SAFB2: variants seen among roughly 807,000 people sequenced by gnomAD.
The protein encoded by SAFB2 is scaffold attachment factor B2.
SAFB2 carries 32 observed loss-of-function variants against 100.6 expected under a neutral mutation model. The observed-to-expected ratio is 0.32, with a 90% CI of 0.24 to 0.43. The LOEUF (loss-of-function observed/expected upper bound fraction) is 0.43, where lower values mean the gene tolerates loss of function less well. Ranked by LOEUF, SAFB2 falls within the 20% of genes least tolerant of loss-of-function variation. The pLI, the probability that SAFB2 is intolerant of heterozygous loss-of-function variation, is 1.00. For missense variants in SAFB2, 1,185 were observed against 1,163.4 expected (o/e 1.02, Z -0.27); for synonymous variants, 500 against 439.4 (o/e 1.14, Z -1.72).
chr19:5,610,582 T>G, intron 8 of SAFB2, 57 bp downstream of exon 8: 1 of 1,286,982 alleles, frequency 7.8e-7, no homozygotes, highest in South Asian at 1.3e-5. Context: ...TCCAGGCCCC[T>G]CCTCCCAAAA....
intron 1 of SAFB2, among the ~76,000 whole-genome samples, 189 bp from the exon 2 acceptor site, chr19:5,621,585 C>T (rs1045786146): frequency 6.6e-6 from 1 of 152,204 alleles, no homozygotes; most frequent in African/African-American, 2.4e-5. Flanking sequence ...CTCTCTGGGT[C>T]CAAATGACAA....
chr19:5,601,061 G>A (rs1374530683), intron 11 of SAFB2, among the ~76,000 whole-genome samples: 2 of 152,108 alleles, frequency 1.3e-5, no homozygotes, highest in Non-Finnish European at 2.9e-5. Context: ...CAGGGTTCCC[G>A]GCAGAGCTCC....
chr19:5,614,743 C>G (rs1307761766), intron 4 of SAFB2, among the ~76,000 whole-genome samples: 2 of 152,210 alleles, frequency 1.3e-5, no homozygotes, highest in Non-Finnish European at 2.9e-5. Context: ...AACAGCCTCA[C>G]CAGAGAGCTC....
At chr19:5,619,704 G>C (rs2053102197) in intron 2 of SAFB2, among the ~76,000 whole-genome samples, 2 of 152,116 alleles carry the variant, frequency 1.3e-5, no homozygotes, top group Admixed American at 6.5e-5. Flanking sequence ...AAGTAGCTGG[G>C]CGTGGCGACG....
Position 5,587,122 on chromosome 19 carries a change from G to A in SAFB2, c.*121C>T. On this transcript the variant is annotated 3_prime_UTR_variant, in exon 21 of 21. Transcript: ENST00000252542. This position sits in a 1 kb window ranked among gnomAD's most constrained non-coding sequence, Gnocchi z 4.9. ...AAAAAAAGTGAGTTCACATTGTATTGAGCTACAACATGGTGGCAGGATTTA... is the reference window on the plus strand; with the variant it reads ...AAAAAAAGTGAGTTCACATTGTATTAAGCTACAACATGGTGGCAGGATTTA... 1 of 1,254,788 alleles carries A rather than the reference G, an allele frequency of 8.0e-7. No homozygotes were observed. The highest frequency in any genetic ancestry group is 1.1e-6 in the Non-Finnish European group (1 of 895,432). The allele number at this position is 1,254,788 out of a possible 1,614,324, so 77.7% of individuals were successfully genotyped here. A position where few individuals can be genotyped will look rare whatever the true frequency, so the allele number is the denominator to read the frequency against.
intron 16 of SAFB2, among the ~76,000 whole-genome samples, 197 bp from the exon 17 acceptor site, chr19:5,591,990 G>A (rs1488249274): frequency 6.6e-6 from 1 of 152,194 alleles, no homozygotes; most frequent in African/African-American, 2.4e-5. Context: ...ATCCTAAAGA[G>A]GTAGGAATAA....
At chr19:5,616,643 C>CTTTTTTTTTTTTTT (rs60033130) in intron 2 of SAFB2, among the ~76,000 whole-genome samples, 157 bp from the exon 3 acceptor site, 1 of 72,798 alleles carries the variant, frequency 1.4e-5, no homozygotes, top group African/African-American at 5.8e-5. Flanking sequence ...AATTTGTTTT[C>CTTTTTTTTTTTTTT]TTTTTTTTTT....
rs370656591 is a variant in SAFB2, at chr19:5,593,979, G to A, written c.2119C>T (p.Arg707Cys). The A allele has an allele frequency of 7.1e-6, 11 of 1,554,402 alleles. No homozygotes were observed. The highest frequency in any genetic ancestry group is 2.3e-5 in the South Asian group (2 of 85,390). ...TGGCGCCGCAGCTCCTCGCGCTCGC[G>A]GTGGATGCGCTCCTGCTCCTTCCTG... The part of the protein sequence containing the change: ...ERRKEQERIH[R>C]EREELRRQQE... Residue 707 changes from arginine (R) to cysteine (C), a missense_variant, in exon 15 of 21, where the codon CGC becomes TGC. Arg to Cys is a radical substitution (Grantham distance 180). Transcript: ENST00000252542.
chr19:5,609,027 G>C (rs1418417366), intron 9 of SAFB2, among the ~76,000 whole-genome samples: 1 of 135,850 alleles, frequency 7.4e-6, no homozygotes, highest in Non-Finnish European at 1.5e-5. Flanking sequence ...ACTTCAGCCT[G>C]GGCAACAGAG....
intron 12 of SAFB2, 49 bp from the exon 13 acceptor site, chr19:5,598,933 T>A: frequency 4.5e-6 from 7 of 1,567,626 alleles, no homozygotes; most frequent in Non-Finnish European, 6.1e-6. Context: ...ACGCCCCAAC[T>A]TCCCGCAGTA....
At chr19:5,601,934 C>T (rs1237137475) in intron 11 of SAFB2, among the ~76,000 whole-genome samples, 1 of 152,098 alleles carries the variant, frequency 6.6e-6, no homozygotes, top group African/African-American at 2.4e-5. Flanking sequence ...TTACCCCTGA[C>T]ATTTACATGT....
Position 5,602,999 on chromosome 19 carries a change from G to C in SAFB2, c.1559+1584C>G, listed in dbSNP as rs561282593. On this transcript the variant is annotated intron_variant, in intron 11 of 20. Coordinates refer to ENST00000252542, the MANE Select transcript of SAFB2 (RefSeq NM_014649.3). ...TGATTTCAATCTGGGGCCAGGTGCAGTGGCTCACACCTATAATCCCAGTCT... is the reference window on the plus strand; with the variant it reads ...TGATTTCAATCTGGGGCCAGGTGCACTGGCTCACACCTATAATCCCAGTCT... Among the ~76,000 whole-genome samples, 347 of 150,674 alleles carry C rather than the reference G, an allele frequency of 2.3e-3. 3 individuals carry two copies. Among genetic ancestry groups the C allele is most frequent in the Non-Finnish European group, 3.5e-3 (235 of 67,832 alleles).
intron 9 of SAFB2, among the ~76,000 whole-genome samples, chr19:5,606,006 C>T (rs553776915): frequency 2.3e-4 from 35 of 152,332 alleles, no homozygotes; most frequent in Admixed American, 8.5e-4. Flanking sequence ...AAACCAGAGG[C>T]TGGGACAGCA....
chr19:5,590,544 AGCCCTGCTGG>A (rs1417876146), intron 17 of SAFB2, 136 bp from the exon 18 acceptor site: 5 of 1,000,768 alleles, frequency 5.0e-6, no homozygotes, highest in Non-Finnish European at 7.0e-6. Flanking sequence ...GTGCAGTCTC[AGCCCTGCTGG>A]GCCCTGCTTC....
intron 11 of SAFB2, among the ~76,000 whole-genome samples, chr19:5,602,830 C>A (rs1222841937): frequency 6.6e-6 from 1 of 152,176 alleles, no homozygotes; most frequent in Non-Finnish European, 1.5e-5. Flanking sequence ...CATCTTCCAC[C>A]AATACAGACA....
At chr19:5,621,959 A>C (rs2053162454) in intron 1 of SAFB2, among the ~76,000 whole-genome samples, 1 of 152,234 alleles carries the variant, frequency 6.6e-6, no homozygotes, top group Non-Finnish European at 1.5e-5. Flanking sequence ...GTGCGACACA[A>C]ACGCAGGATG....
At chr19:5,603,165 G>A (rs2052700587) in intron 11 of SAFB2, among the ~76,000 whole-genome samples, 1 of 152,212 alleles carries the variant, frequency 6.6e-6, no homozygotes, top group African/African-American at 2.4e-5. Context: ...CTACTAGGGA[G>A]GCTGAGGTGG....
chr19:5,611,171 G>A lies in SAFB2; in HGVS notation c.1094C>T (p.Pro365Leu), dbSNP rs1235867929. 2.1e-6 allele frequency: 1 copy of A among 482,328 alleles called. No individual in the cohort carries two copies. The allele number at this position is 482,328 out of a possible 1,614,324, so 29.9% of individuals were successfully genotyped here. ...GGTTGAGGACTCTTTAGGAGCCGGA[G>A]GGACTTCATTACAAGCGTCAAAATC... Reference protein sequence around the residue: ...KFDFDACNEVPPAPKESSTSE... With the variant: ...KFDFDACNEVLPAPKESSTSE... The change falls in exon 7 of 21, where the codon CCT (proline) becomes CTT (leucine). Residue 365 changes from proline to leucine, a missense_variant. By Grantham distance (98) the Pro-to-Leu change is moderately conservative. This residue lies in a region of SAFB2 where 351 missense variants were observed against 341.2 expected (regional missense o/e 1.03). Coordinates refer to ENST00000252542, the MANE Select transcript of SAFB2 (RefSeq NM_014649.3).
intron 9 of SAFB2, among the ~76,000 whole-genome samples, chr19:5,608,212 ACTT>A (rs1306797711): frequency 2.6e-5 from 4 of 152,138 alleles, no homozygotes; most frequent in African/African-American, 9.7e-5. Flanking sequence ...GCTGAATGTC[ACTT>A]CTTCAGCGAG....
Sources: allele counts gnomAD v4.1 joint callset (sites outside exome capture counted in the v4.1 genomes callset), GRCh38; gene constraint gnomAD v4.1.1; regional missense constraint gnomAD v4.1.1; non-coding constraint Gnocchi (gnomAD v3.1); transcripts MANE v1.5; gene names NCBI Gene and HGNC (gene_info 2026-07-23, HGNC 2026-07-21).